Variants in DDX31 observed in about 807,000 individuals in gnomAD.
The protein encoded by DDX31 is DEAD-box helicase 31.
DDX31 carries 70 observed loss-of-function variants against 91.3 expected under a neutral mutation model. The ratio of observed to expected loss-of-function variants is 0.77; its 90% CI spans 0.63 to 0.94. DDX31 has a LOEUF of 0.94. Among genes scored for constraint, DDX31 ranks in the 40% least tolerant of loss-of-function variants. The pLI, the probability that DDX31 is intolerant of heterozygous loss-of-function variation, is 0.00. For synonymous variants in DDX31, 362 were observed against 350.6 expected, an observed-to-expected ratio of 1.03 and a Z score of -0.36; for missense variants, 902 against 925.0, an observed-to-expected ratio of 0.98 and a Z score of 0.32.
intron 17 of DDX31, 55 bp from the exon 18 acceptor site, chr9:132,618,496 G>T (rs1831793056): frequency 2.7e-6 from 4 of 1,486,208 alleles, no homozygotes; most frequent in African/African-American, 2.8e-5. Context: ...CAGGAATAAT[G>T]AAGCAGTTTA....
chr9:132,657,994 C>T (rs1304844873), intron 6 of DDX31: 2 of 307,652 alleles, frequency 6.5e-6, no homozygotes, highest in Non-Finnish European at 1.2e-5. Context: ...TGAAGTTCAG[C>T]CTTCTTGGTC....
chr9:132,665,015 G>A (rs1210552198), intron 1 of DDX31, among the ~76,000 whole-genome samples: 2 of 152,082 alleles, frequency 1.3e-5, no homozygotes, highest in Non-Finnish European at 2.9e-5. Flanking sequence ...TCTGTTCTTG[G>A]CTCTCCTGGC....
At chr9:132,644,971 C>T (rs1308859750) in intron 13 of DDX31, among the ~76,000 whole-genome samples, 1 of 152,136 alleles carries the variant, frequency 6.6e-6, no homozygotes, top group Non-Finnish European at 1.5e-5. Flanking sequence ...AACAAAAGAG[C>T]AAAAGCAAAG....
chr9:132,653,544 G>C (rs1021623553), intron 6 of DDX31, among the ~76,000 whole-genome samples: 7 of 92,450 alleles, frequency 7.6e-5, no homozygotes, highest in Admixed American at 7.3e-4. Flanking sequence ...AATTTCAACA[G>C]CCTTCCAATA....
intron 16 of DDX31, among the ~76,000 whole-genome samples, chr9:132,629,836 CT>C (rs1187333676): frequency 2.0e-5 from 3 of 152,190 alleles, no homozygotes; most frequent in Non-Finnish European, 4.4e-5. Flanking sequence ...ATCATTTCCC[CT>C]GGGTTCATCT....
chr9:132,629,546 G>A (rs1832600644), intron 16 of DDX31, among the ~76,000 whole-genome samples: 1 of 152,252 alleles, frequency 6.6e-6, no homozygotes, highest in Admixed American at 6.5e-5. Flanking sequence ...CTGCTAGGAT[G>A]TTTTCATTCC....
In DDX31 at chr9:132,632,241, T is replaced by TGTACACACACACACACAC. The variant is rs1466872933; in HGVS notation, c.1441-151_1441-150insGTGTGTGTGTGTGTGTAC. 2.7e-4 allele frequency: 25 copies of TGTACACACACACACACAC among 94,156 alleles called. 1 individual carries two copies. Among genetic ancestry groups the TGTACACACACACACACAC allele is most frequent in the South Asian group, 1.4e-3 (10 of 7,050 alleles). 5.8% of individuals were successfully genotyped at this position (94,156 alleles called of 1,614,324 possible). ...CATACACGTATATGCCCAGTACGTGTACACACACACACACACACACACACA... is the reference window on the plus strand; with the variant it reads ...CATACACGTATATGCCCAGTACGTGTGTACACACACACACACACACACACACACACACACACACACACA... On this transcript the variant is annotated intron_variant, in intron 14 of 19. Transcript: ENST00000372159.
chr9:132,612,362 A>G (rs1831400169), intron 18 of DDX31, 107 bp from the exon 19 acceptor site: 7 of 1,277,202 alleles, frequency 5.5e-6, no homozygotes, highest in East Asian at 2.4e-5. Flanking sequence ...CCAGGCAACG[A>G]AACATGAGCA....
chr9:132,669,007 C>CAGTT (rs34873585), intron 1 of DDX31, among the ~76,000 whole-genome samples: 72,908 of 151,580 alleles, frequency 0.48, 18,072 homozygotes, highest in African/African-American at 0.61. Context: ...TTCTAGTTGA[C>CAGTT]GGTTGAGTTT....
chr9:132,647,298 G>T (rs973629805), intron 11 of DDX31, among the ~76,000 whole-genome samples: 6 of 152,184 alleles, frequency 3.9e-5, no homozygotes, highest in Non-Finnish European at 7.3e-5. Flanking sequence ...GCGTCCAAAA[G>T]ATAGCAACAG....
intron 3 of DDX31, among the ~76,000 whole-genome samples, chr9:132,661,478 G>A (rs961263809): frequency 1.3e-5 from 2 of 152,112 alleles, no homozygotes; most frequent in Non-Finnish European, 2.9e-5. Flanking sequence ...AACCAGGGGA[G>A]GGGGGCACTG....
chr9:132,669,883 G>A lies in DDX31; in HGVS notation c.52C>T (p.Arg18Cys), dbSNP rs749422280. 83 of 1,594,180 alleles carry A rather than the reference G, an allele frequency of 5.2e-5. No homozygotes were observed. The highest frequency in any genetic ancestry group is 6.9e-5 in the Non-Finnish European group (81 of 1,171,504). ...ACCCGACTCGCCTGGGCTGGGGGAC[G>A]TCTGGAGAACGTCCTGGGGTTGTCG... Reference protein sequence around the residue: ...LFDNPRTFSRRPPAQASRQAK... With the variant: ...LFDNPRTFSRCPPAQASRQAK... The change falls in exon 1 of 20, where the codon CGT (arginine) becomes TGT (cysteine). Residue 18 changes from arginine (R) to cysteine (C), a missense_variant. Arg to Cys is a radical substitution (Grantham distance 180, BLOSUM62 -3). Coordinates refer to ENST00000372159, the MANE Select transcript of DDX31 (RefSeq NM_022779.9).
chr9:132,638,475 T>C, intron 14 of DDX31: 7 of 1,445,078 alleles, frequency 4.8e-6, no homozygotes, highest in Non-Finnish European at 6.8e-6. Context: ...AATGACTCCT[T>C]CTTGCTCATC....
intron 16 of DDX31, among the ~76,000 whole-genome samples, chr9:132,629,151 G>C (rs1832575842): frequency 6.6e-6 from 1 of 152,204 alleles, no homozygotes; most frequent in African/African-American, 2.4e-5. Flanking sequence ...GTGACTGACT[G>C]ATCTATATGA....
At chr9:132,663,244 C>G in intron 1 of DDX31, 1 of 1,289,194 alleles carries the variant, frequency 7.8e-7, no homozygotes, top group South Asian at 1.2e-5. Flanking sequence ...GCGCCTGGAT[C>G]TCTCTCATTC....
intron 13 of DDX31, among the ~76,000 whole-genome samples, chr9:132,643,491 G>A (rs1317223652): frequency 3.3e-5 from 5 of 152,232 alleles, no homozygotes; most frequent in Admixed American, 2.0e-4. Context: ...GAAGCCCGGG[G>A]CACACCTCAC....
At chr9:132,644,560 CCT>C (rs764371148) in intron 13 of DDX31, among the ~76,000 whole-genome samples, 44 of 152,326 alleles carry the variant, frequency 2.9e-4, no homozygotes, top group Admixed American at 1.1e-3. Context: ...AGACTACTCC[CCT>C]GTTACAAAGT....
chr9:132,663,457 G>A, intron 1 of DDX31: 1 of 985,426 alleles, frequency 1.0e-6, no homozygotes, highest in Non-Finnish European at 1.2e-6. Context: ...TCTCTTGCCT[G>A]TTGCTTCTTA....
At chr9:132,635,455 C>CTTTTTTTTT (rs981082655) in intron 14 of DDX31, among the ~76,000 whole-genome samples, 19 of 104,724 alleles carry the variant, frequency 1.8e-4, no homozygotes, top group East Asian at 3.6e-4. Flanking sequence ...ATGTACATAG[C>CTTTTTTTTT]TTTTTTTTTT....
Sources: gnomAD v4.1 joint callset for allele counts (sites outside exome capture counted in the v4.1 genomes callset) on GRCh38, gnomAD v4.1.1 for gene constraint, MANE v1.5 for transcripts, NCBI Gene and HGNC (gene_info 2026-07-23, HGNC 2026-07-21) for gene names.